HMCN1: variants seen among roughly 807,000 people sequenced by gnomAD.
HMCN1 encodes the protein hemicentin 1, also known as hemicentin-1.
A neutral mutation model predicts 625.9 loss-of-function variants in HMCN1; 321 were observed. That is an observed-to-expected ratio of 0.51 (90% confidence interval 0.47 to 0.56). HMCN1 has a LOEUF of 0.56. Ranked by LOEUF, HMCN1 falls within the 20% of genes least tolerant of loss-of-function variation. HMCN1 has a pLI of 0.00. For synonymous variants in HMCN1, 2,425 were observed against 2,417.6 expected, an observed-to-expected ratio of 1.00 and a Z score of -0.09; for missense variants, 6,588 against 6,887.3, an observed-to-expected ratio of 0.96 and a Z score of 1.54.
intron 11 of HMCN1, among the ~76,000 whole-genome samples, chr1:185,950,745 T>G (rs533966632): frequency 0.034 from 5,041 of 147,406 alleles, 104 homozygotes; most frequent in African/African-American, 0.086. Flanking sequence ...AGGCTGGGAT[T>G]AAGGGTGCAA....
intron 4 of HMCN1, among the ~76,000 whole-genome samples, chr1:185,898,232 A>G (rs183724626): frequency 6.6e-6 from 1 of 152,196 alleles, no homozygotes. Context: ...ACAGAGACAA[A>G]ATCACTGTGG....
chr1:185,777,202 G>A (rs1404204534), intron 1 of HMCN1, among the ~76,000 whole-genome samples: 1 of 152,182 alleles, frequency 6.6e-6, no homozygotes. Context: ...GGAGAGATGA[G>A]AATGAAGAGT....
At chr1:186,124,574 G>A (rs1661555359) in intron 81 of HMCN1, among the ~76,000 whole-genome samples, 1 of 151,836 alleles carries the variant, frequency 6.6e-6, no homozygotes, top group East Asian at 1.9e-4. Flanking sequence ...ATCAATTTTT[G>A]TGTTTTCCAA....
Position 185,846,052 on chromosome 1 carries a change from G to A in HMCN1, c.295G>A (p.Asp99Asn), listed in dbSNP as rs1661793285. ...PEIGPVTITT[D>N]PKKFQYELRE... is the part of the protein sequence containing the mutation. ...AATTGGCCCAGTGACAATTACCACA[G>A]ATCCCAAGAAATTTCAATATGAACT... Residue 99 changes from aspartate to asparagine, a missense_variant, in exon 2 of 107, where the codon GAT (aspartate) becomes AAT (asparagine). Asp to Asn is a conservative substitution (Grantham distance 23, BLOSUM62 1). Coordinates refer to ENST00000271588, the MANE Select transcript of HMCN1 (RefSeq NM_031935.3). 6.2e-7 allele frequency: 1 copy of A among 1,612,272 alleles called. No individual in the cohort carries two copies. Among genetic ancestry groups the A allele is most frequent in the Non-Finnish European group, 8.5e-7 (1 of 1,178,550 alleles).
intron 89 of HMCN1, among the ~76,000 whole-genome samples, chr1:186,138,909 C>T (rs1020900091): frequency 3.3e-5 from 5 of 152,092 alleles, no homozygotes; most frequent in Non-Finnish European, 7.4e-5. Context: ...TTCATTCATC[C>T]AACAAATATT....
Position 185,792,403 on chromosome 1 carries a change from C to CT in HMCN1, c.269-53618dup, listed in dbSNP as rs569702253. Among the ~76,000 whole-genome samples, 57 of 152,224 alleles carry CT rather than the reference C, an allele frequency of 3.7e-4. 2 individuals are homozygous for CT. The South Asian group carries it at 0.012, about 31-fold the overall frequency. ...TTTATTGATGGCTTATTCCTATTAT[C>CT]TTTTTAGTAGAAAATTGTTTTCTCA... On this transcript the variant is annotated intron_variant, in intron 1 of 106. Transcript: ENST00000271588.
intron 11 of HMCN1, among the ~76,000 whole-genome samples, chr1:185,953,015 T>TG (rs142471561): frequency 0.051 from 7,633 of 150,498 alleles, 544 homozygotes; most frequent in African/African-American, 0.14. Flanking sequence ...AATAAGGGAT[T>TG]GGGGGGTTTT....
chr1:186,132,389 G>A lies in HMCN1; in HGVS notation c.13292G>A (p.Ser4431Asn), dbSNP rs1178437618. 1 of 1,612,064 alleles carries A rather than the reference G, an allele frequency of 6.2e-7. No individual in the cohort carries two copies. The highest frequency in any genetic ancestry group is 8.5e-7 in the Non-Finnish European group (1 of 1,178,958). Residue 4431 changes from serine to asparagine, a missense_variant, in exon 86 of 107, where the codon AGC becomes AAC. Ser to Asn is a conservative substitution (Grantham distance 46). Transcript: ENST00000271588. The part of the protein sequence containing the change: ...ATNEAGVVER[S>N]MSLTLQSPPI... ...AATGAAGCTGGGGTGGTGGAGCGCA[G>A]CATGAGTCTGACTCTGCAAAGTAAG...
chr1:186,114,380 C>A (rs2102472608), intron 73 of HMCN1, among the ~76,000 whole-genome samples: 1 of 152,208 alleles, frequency 6.6e-6, no homozygotes, highest in East Asian at 1.9e-4. Flanking sequence ...CCTCAGCCTC[C>A]CAAGTAAGCT....
chr1:185,818,582 A>T (rs1001034637), intron 1 of HMCN1, among the ~76,000 whole-genome samples: 1 of 152,174 alleles, frequency 6.6e-6, no homozygotes, highest in Non-Finnish European at 1.5e-5. Flanking sequence ...CTTCTTTGAT[A>T]TAATACAATA....
chr1:185,995,788 C>G (rs1443046945), intron 24 of HMCN1, among the ~76,000 whole-genome samples: 1 of 152,058 alleles, frequency 6.6e-6, no homozygotes, highest in Non-Finnish European at 1.5e-5. Flanking sequence ...GAGTGAGATC[C>G]TCTGGACTGG....
At chr1:186,096,265 T>A (rs4548394) in intron 68 of HMCN1, among the ~76,000 whole-genome samples, 1 of 152,146 alleles carries the variant, frequency 6.6e-6, no homozygotes, top group African/African-American at 2.4e-5. Context: ...GTTATAATCC[T>A]TCTCAGAGCA....
Position 186,077,906 on chromosome 1 carries a change from C to T in HMCN1, c.8486-201C>T, listed in dbSNP as rs146262797. On this transcript the variant is annotated intron_variant, in intron 54 of 106. Transcript: ENST00000271588. ...TGAGCTATTCATTTCTCAGGAGTTC[C>T]GATTCATATGTTGGCTCACTTTTTA... Among the ~76,000 whole-genome samples, 567 of 152,174 alleles carry T rather than the reference C, an allele frequency of 3.7e-3. 4 individuals carry two copies. The highest frequency in any genetic ancestry group is 0.013 in the African/African-American group (540 of 41,518).
intron 11 of HMCN1, among the ~76,000 whole-genome samples, chr1:185,955,447 C>T (rs924222761): frequency 6.6e-6 from 1 of 152,252 alleles, no homozygotes; most frequent in African/African-American, 2.4e-5. Context: ...ATAAGGTAGC[C>T]ATACATCTTT....
At chr1:185,870,502 T>C (rs898499458) in intron 4 of HMCN1, among the ~76,000 whole-genome samples, 2 of 152,218 alleles carry the variant, frequency 1.3e-5, no homozygotes, top group Admixed American at 1.3e-4. Flanking sequence ...TACCAGCCTG[T>C]TGTATTGGTC....
chr1:185,953,695 C>A (rs1272876031), intron 11 of HMCN1, among the ~76,000 whole-genome samples: 1 of 151,776 alleles, frequency 6.6e-6, no homozygotes, highest in Admixed American at 6.6e-5. Context: ...TCTCACGGAG[C>A]AAAGAGCAGG....
chr1:186,097,651 C>T (rs551174254), intron 68 of HMCN1, among the ~76,000 whole-genome samples: 94 of 151,914 alleles, frequency 6.2e-4, no homozygotes, highest in Admixed American at 1.4e-3. Context: ...AGATTCAATG[C>T]AATTTCTATG....
chr1:185,936,112 T>C (rs1319642414), intron 11 of HMCN1, among the ~76,000 whole-genome samples: 1 of 152,162 alleles, frequency 6.6e-6, no homozygotes, highest in Non-Finnish European at 1.5e-5. Flanking sequence ...TATGTTGTTA[T>C]GCTTCCACTG....
intron 73 of HMCN1, 32 bp downstream of exon 73, chr1:186,114,155 A>G: frequency 6.2e-7 from 1 of 1,612,240 alleles, no homozygotes; most frequent in South Asian, 1.1e-5. Flanking sequence ...AAAATGCTAT[A>G]AGACCTGAAA....
Sources: allele counts gnomAD v4.1 joint callset (sites outside exome capture counted in the v4.1 genomes callset), GRCh38; gene constraint gnomAD v4.1.1; transcripts MANE v1.5; gene names NCBI Gene and HGNC (gene_info 2026-07-23, HGNC 2026-07-21).